The following DNAH6 variants were observed in gnomAD, a reference collection of about 807,000 sequenced individuals.
The protein encoded by DNAH6 is axonemal beta dynein heavy chain 6.
DNAH6 carries 340 observed loss-of-function variants against 491.4 expected under a neutral mutation model. That is an observed-to-expected ratio of 0.69 (90% CI 0.63 to 0.76). The LOEUF (loss-of-function observed/expected upper bound fraction) is 0.76, where lower values mean the gene tolerates loss of function less well. Ranked by LOEUF, DNAH6 falls within the 30% of genes least tolerant of loss-of-function variation. DNAH6 has a pLI of 0.00. For missense variants in DNAH6, 4,443 were observed against 4,972.2 expected (o/e 0.89, Z 3.20); for synonymous variants, 1,603 against 1,686.1 (o/e 0.95, Z 1.21).
intron 68 of DNAH6, among the ~76,000 whole-genome samples, chr2:84,794,466 C>G (rs1678115572): frequency 6.6e-6 from 1 of 150,476 alleles, no homozygotes; most frequent in South Asian, 2.2e-4. Flanking sequence ...ACAATGAACT[C>G]AAACAAATTT....
intron 29 of DNAH6, among the ~76,000 whole-genome samples, chr2:84,631,411 A>G (rs1327652052): frequency 6.6e-6 from 1 of 152,130 alleles, no homozygotes; most frequent in African/African-American, 2.4e-5. Flanking sequence ...TTGTGGATTG[A>G]ATTGTGTCCC....
At chr2:84,816,333 G>A (rs80021548) in intron 76 of DNAH6, among the ~76,000 whole-genome samples, 66 of 152,280 alleles carry the variant, frequency 4.3e-4, no homozygotes, top group African/African-American at 1.6e-3. Flanking sequence ...AGTTTAACAA[G>A]TAGAGACTTC....
Position 84,624,524 on chromosome 2 carries a change from C to G in DNAH6, c.4257C>G (p.Asp1419Glu), listed in dbSNP as rs1277338096. 1 of 1,551,764 alleles carries G rather than the reference C, an allele frequency of 6.4e-7. No individual in the cohort carries two copies. Among genetic ancestry groups the G allele is most frequent in the Non-Finnish European group, 8.7e-7 (1 of 1,146,958 alleles). ...AACTGCGCTATTACTGGGATATAGA[C>G]CTGGATAATTGTGTGGCTAGAATGG... ...QRQLRYYWDI[D>E]LDNCVARMAL... Residue 1419 changes from aspartate (D) to glutamate (E), a missense_variant, in exon 28 of 77, where the codon GAC becomes GAG. Physicochemically the swap from Asp to Glu is conservative, Grantham distance 45. This residue lies in a region of DNAH6 where 2,977 missense variants were observed against 3,296.6 expected (regional missense o/e 0.90). Coordinates refer to ENST00000389394, the MANE Select transcript of DNAH6 (RefSeq NM_001370.2).
chr2:84,485,197 A>G, the DNAH6 span, among the ~76,000 whole-genome samples: 3 of 152,164 alleles, frequency 2.0e-5, no homozygotes, highest in South Asian at 2.1e-4. Context: ...ACAGTGATCA[A>G]TGTTATCCGA....
rs1445643433 is a variant in DNAH6 at position 84,805,673 on chromosome 2, G to C, written c.11490G>C (p.Glu3830Asp). 6.4e-7 allele frequency: 1 copy of C among 1,551,064 alleles called. No individual in the cohort carries two copies. The highest frequency in any genetic ancestry group is 8.7e-7 in the Non-Finnish European group (1 of 1,146,654). The change falls in exon 71 of 77, where the codon GAG becomes GAC. Residue 3830 changes from glutamate to aspartate, a missense_variant. This residue lies in a region of DNAH6 where 1,463 missense variants were observed against 1,656.6 expected (regional missense o/e 0.88). Coordinates refer to ENST00000389394, the MANE Select transcript of DNAH6 (RefSeq NM_001370.2). ...TCTTATTGCCATTACAGTACAAAGA[G>C]ACCAGCACTTTAATCAACACCATAC... ...ENANLVFQYK[E>D]TSTLINTILE...
intron 64 of DNAH6, among the ~76,000 whole-genome samples, chr2:84,775,269 A>G (rs1455418689): frequency 6.6e-6 from 1 of 152,154 alleles, no homozygotes; most frequent in Non-Finnish European, 1.5e-5. Flanking sequence ...TGAGATGATC[A>G]TATGCTTTTT....
intron 11 of DNAH6, among the ~76,000 whole-genome samples, chr2:84,559,220 T>C (rs1680393274): frequency 6.6e-6 from 1 of 152,150 alleles, no homozygotes; most frequent in Non-Finnish European, 1.5e-5. Flanking sequence ...TTTTAAAAAG[T>C]CCTGGTGTAT....
At chr2:84,710,873 G>T (rs1330153819) in intron 56 of DNAH6, among the ~76,000 whole-genome samples, 1 of 151,792 alleles carries the variant, frequency 6.6e-6, no homozygotes, top group Non-Finnish European at 1.5e-5. Flanking sequence ...AAGAAGAAGA[G>T]GAAGAAGAAG....
At chr2:84,472,157 A>C in the DNAH6 span, among the ~76,000 whole-genome samples, 2 of 151,998 alleles carry the variant, frequency 1.3e-5, no homozygotes, top group East Asian at 3.9e-4. Context: ...AATGTTAATA[A>C]AGCTAGATGC....
intron 19 of DNAH6, among the ~76,000 whole-genome samples, chr2:84,605,181 A>G (rs1452911582): frequency 1.3e-5 from 2 of 150,218 alleles, no homozygotes; most frequent in Non-Finnish European, 2.9e-5. Flanking sequence ...CCCTATCTCT[A>G]TTAAAAATAC....
Position 84,593,975 on chromosome 2 carries a change from G to A in DNAH6, c.2614G>A (p.Glu872Lys), listed in dbSNP as rs1180544517. 2 of 1,539,026 alleles carry A rather than the reference G, an allele frequency of 1.3e-6. No individual in the cohort carries two copies. Among genetic ancestry groups the A allele is most frequent in the African/African-American group, 2.8e-5 (2 of 72,702 alleles). The change falls in exon 17 of 77, where the codon GAA becomes AAA. Residue 872 changes from glutamate to lysine, a missense_variant. Physicochemically the swap from Glu to Lys is moderately conservative, Grantham distance 56. Coordinates refer to ENST00000389394, the MANE Select transcript of DNAH6 (RefSeq NM_001370.2). ...TTTGTTTACTACATTTTTAAAGGTA[G>A]AAGTGTCCAAGTTTGAAGCTTTGGA... ...YKSYQKNFKVEVSKFEALEEV... is the reference protein window; with the variant it reads ...YKSYQKNFKVKVSKFEALEEV...
intron 33 of DNAH6, among the ~76,000 whole-genome samples, chr2:84,648,322 G>A (rs536539722): frequency 1.3e-5 from 2 of 152,306 alleles, no homozygotes; most frequent in East Asian, 3.9e-4. Context: ...CCATTCTGTA[G>A]CCCATGGATC....
At chr2:84,771,108 G>C (rs1675561466) in intron 64 of DNAH6, among the ~76,000 whole-genome samples, 1 of 152,080 alleles carries the variant, frequency 6.6e-6, no homozygotes, top group Non-Finnish European at 1.5e-5. Flanking sequence ...GCCCAACATG[G>C]AGAAATCCTG....
chr2:84,659,131 T>C lies in DNAH6; in HGVS notation c.6046T>C (p.Phe2016Leu). Reference protein sequence around the residue: ...TENYYDSFDTFIRTQFDDNPD... With the variant: ...TENYYDSFDTLIRTQFDDNPD... ...AAACTACTATGATTCTTTTGATACATTTATTAGAACACAATTTGATGATAA... is the reference window on the plus strand; with the variant it reads ...AAACTACTATGATTCTTTTGATACACTTATTAGAACACAATTTGATGATAA... Residue 2016 changes from phenylalanine (F) to leucine (L), a missense_variant, in exon 37 of 77, where the codon TTT becomes CTT. Phe to Leu is a conservative substitution (Grantham distance 22). Coordinates refer to ENST00000389394, the MANE Select transcript of DNAH6 (RefSeq NM_001370.2). 6.6e-7 allele frequency: 1 copy of C among 1,508,430 alleles called. No homozygotes were observed. The allele number at this position is 1,508,430 out of a possible 1,614,324, so 93.4% of individuals were successfully genotyped here. A position where few individuals can be genotyped will look rare whatever the true frequency, so the allele number is the denominator to read the frequency against.
At chr2:84,664,561 A>G (rs533701639) in intron 37 of DNAH6, among the ~76,000 whole-genome samples, 1 of 152,326 alleles carries the variant, frequency 6.6e-6, no homozygotes, top group African/African-American at 2.4e-5. Context: ...TATCCTAAAT[A>G]TATGCACCCA....
chr2:84,654,723 C>G lies in DNAH6; in HGVS notation c.5698C>G (p.Pro1900Ala). The change falls in exon 35 of 77, where the codon CCT becomes GCT. Residue 1900 changes from proline to alanine, a missense_variant. Transcript: ENST00000389394. Reference sequence around the variant, plus strand: ...TCGATGTGGAATGGTGTTTGTGGATCCTGAAGAACTGAAATGGATGCCTTA... The same window carrying G: ...TCGATGTGGAATGGTGTTTGTGGATGCTGAAGAACTGAAATGGATGCCTTA... ...VSRCGMVFVD[P>A]EELKWMPYVK... The G allele has an allele frequency of 6.4e-7, 1 of 1,551,166 alleles. No homozygotes were observed. Among genetic ancestry groups the G allele is most frequent in the Non-Finnish European group, 8.7e-7 (1 of 1,146,456 alleles).
intron 43 of DNAH6, 54 bp downstream of exon 43, chr2:84,685,526 G>T: frequency 1.7e-6 from 2 of 1,198,080 alleles, no homozygotes; most frequent in Non-Finnish European, 1.1e-6. Context: ...AAAGCAATTT[G>T]GTTTCTACAA....
chr2:84,476,785 A>G, the DNAH6 span, among the ~76,000 whole-genome samples: 1 of 152,186 alleles, frequency 6.6e-6, no homozygotes, highest in Non-Finnish European at 1.5e-5. Context: ...TGCACTACAG[A>G]GTGTTAACAA....
At chr2:84,809,503 A>G (rs1343903341) in intron 72 of DNAH6, among the ~76,000 whole-genome samples, 1 of 152,112 alleles carries the variant, frequency 6.6e-6, no homozygotes, top group African/African-American at 2.4e-5. Context: ...TCAGCAGGCT[A>G]AGTCTCTCTC....
Sources: allele counts gnomAD v4.1 joint callset (sites outside exome capture counted in the v4.1 genomes callset), GRCh38; gene constraint gnomAD v4.1.1; regional missense constraint gnomAD v4.1.1; transcripts MANE v1.5; gene names NCBI Gene and HGNC (gene_info 2026-07-23, HGNC 2026-07-21).